Variants in SYNE3 observed in about 807,000 individuals in gnomAD.
The protein encoded by SYNE3 is nesprin-3.
A neutral mutation model predicts 111.2 loss-of-function variants in SYNE3; 100 were observed. The ratio of observed to expected loss-of-function variants is 0.90; its 90% CI spans 0.77 to 1.06. SYNE3 has a LOEUF of 1.06. SYNE3 is among the 50% of genes least tolerant of loss of function. The pLI, the probability that SYNE3 is intolerant of heterozygous loss-of-function variation, is 0.00. For missense variants in SYNE3, 1,160 were observed against 1,240.3 expected, an observed-to-expected ratio of 0.94 and a Z score of 0.97; for synonymous variants, 547 against 533.9, an observed-to-expected ratio of 1.02 and a Z score of -0.34.
intron 1 of SYNE3, among the ~76,000 whole-genome samples, chr14:95,483,397 G>C (rs1385507360): frequency 4.6e-5 from 7 of 152,066 alleles, no homozygotes; most frequent in African/African-American, 1.7e-4. Flanking sequence ...ACTCATTCCT[G>C]CCCTGCCACA....
rs1595212408 is a variant in SYNE3 at position 95,456,098 on chromosome 14, T to C, written c.790-374A>G. 2 of 345,154 alleles carry C rather than the reference T, an allele frequency of 5.8e-6. 1 individual carries two copies. The highest frequency in any genetic ancestry group is 1.0e-5 in the Non-Finnish European group (2 of 192,950). 21.4% of individuals were successfully genotyped at this position (345,154 alleles called of 1,614,324 possible). On this transcript the variant is annotated intron_variant, in intron 5 of 17. Coordinates refer to ENST00000682763, the MANE Select transcript of SYNE3 (RefSeq NM_152592.6). ...CGTTCGGTTTCATTGTATTTATTTGTGTGGTTATCTACCTATTTGGAATTG... is the reference window on the plus strand; with the variant it reads ...CGTTCGGTTTCATTGTATTTATTTGCGTGGTTATCTACCTATTTGGAATTG...
At chr14:95,421,350 T>G (rs561310845) in intron 17 of SYNE3, among the ~76,000 whole-genome samples, 42 of 152,138 alleles carry the variant, frequency 2.8e-4, no homozygotes, top group Admixed American at 1.2e-3. Flanking sequence ...AATCTGAGAC[T>G]CCAGATTTCT....
intron 8 of SYNE3, chr14:95,449,475 G>A (rs959893609): frequency 2.0e-6 from 2 of 985,338 alleles, no homozygotes; most frequent in African/African-American, 3.5e-5. Flanking sequence ...GCCATGCTGG[G>A]GCCATGAGGC....
intron 1 of SYNE3, among the ~76,000 whole-genome samples, chr14:95,513,827 C>CCTG (rs10645323): frequency 0.23 from 33,918 of 145,504 alleles, 4,163 homozygotes; most frequent in African/African-American, 0.28. Flanking sequence ...AGACAAGCAT[C>CCTG]CTGTCCGGTC....
chr14:95,496,086 G>T lies in SYNE3; in HGVS notation c.-14-20251C>A, dbSNP rs576049407. On this transcript the variant is annotated intron_variant, in intron 1 of 17. Coordinates refer to ENST00000682763, the MANE Select transcript of SYNE3 (RefSeq NM_152592.6). ...CCATGCCCTAAAAGGACCCTAAGTG[G>T]ATGGGCAGAGAGTCAGGTTGTGGTC... 1.2e-4 allele frequency among the ~76,000 whole-genome samples: 18 copies of T among 152,372 alleles called. No individual in the cohort carries two copies. In the South Asian group the frequency reaches 3.7e-3, roughly 32 times the overall value.
intron 8 of SYNE3, among the ~76,000 whole-genome samples, chr14:95,448,642 C>T (rs1304125696): frequency 6.6e-6 from 1 of 152,142 alleles, no homozygotes; most frequent in Non-Finnish European, 1.5e-5. Context: ...GAGCTGAGAT[C>T]GCGCCACTGC....
chr14:95,455,779 C>G (rs766697129), intron 5 of SYNE3, 55 bp from the exon 6 acceptor site: 143 of 1,561,760 alleles, frequency 9.2e-5, no homozygotes, highest in Non-Finnish European at 8.1e-5. Context: ...AATACAGTTG[C>G]TGCATTTTCC....
chr14:95,516,534 G>GCCCGGCCCCCGGCCCCCGGCC (rs527810309), intron 1 of SYNE3, among the ~76,000 whole-genome samples, 62 bp downstream of exon 1: 8 of 131,802 alleles, frequency 6.1e-5, no homozygotes, highest in Admixed American at 1.4e-4. Flanking sequence ...GACCCCACCC[G>GCCCGGCCCCCGGCCCCCGGCC]CCCGGCCCCC....
rs374185598 is a variant in SYNE3 at position 95,432,048 on chromosome 14, A to G, written c.2727+31T>C. 5.0e-6 allele frequency: 8 copies of G among 1,606,604 alleles called. No homozygotes were observed. The African/African-American group carries it at 6.7e-5, about 13-fold the overall frequency. On this transcript the variant is annotated intron_variant, in intron 17 of 17. Transcript: ENST00000682763. ...CAACCCTCCAGGCACCCTGCCTGCT[A>G]GCCGTGTGGAGCAGATGGCAGACAC...
chr14:95,427,588 CCTCT>C (rs1305035413), intron 17 of SYNE3, among the ~76,000 whole-genome samples: 1 of 150,492 alleles, frequency 6.6e-6, no homozygotes. Flanking sequence ...CCTCTCTCTC[CCTCT>C]CTCTCTCTGC....
intron 1 of SYNE3, among the ~76,000 whole-genome samples, chr14:95,481,644 G>A (rs975229628): frequency 2.0e-5 from 3 of 152,216 alleles, no homozygotes; most frequent in South Asian, 4.1e-4. Context: ...GGGGAGCCGG[G>A]ACAATGCAGC....
chr14:95,478,043 C>T (rs948290663), intron 1 of SYNE3, among the ~76,000 whole-genome samples: 2 of 152,142 alleles, frequency 1.3e-5, no homozygotes, highest in African/African-American at 4.8e-5. Context: ...TGGCAATGCC[C>T]GTGACCTGTG....
At chr14:95,476,530 C>A (rs1174218092) in intron 1 of SYNE3, among the ~76,000 whole-genome samples, 1 of 152,276 alleles carries the variant, frequency 6.6e-6, no homozygotes, top group East Asian at 1.9e-4. Flanking sequence ...AGGTCACCCA[C>A]CAGAGACCCC....
chr14:95,472,293 A>C (rs1259795188), intron 2 of SYNE3, among the ~76,000 whole-genome samples: 2 of 152,236 alleles, frequency 1.3e-5, no homozygotes, highest in East Asian at 3.8e-4. Flanking sequence ...TGCCTGGCTC[A>C]GGCCAGGACC....
chr14:95,492,670 G>A (rs1191858922), intron 1 of SYNE3, among the ~76,000 whole-genome samples: 1 of 152,142 alleles, frequency 6.6e-6, no homozygotes, highest in Admixed American at 6.6e-5. Flanking sequence ...GAGGTAGTAA[G>A]AATATTCTAA....
chr14:95,425,855 T>A (rs1885400618), intron 17 of SYNE3, among the ~76,000 whole-genome samples: 1 of 152,242 alleles, frequency 6.6e-6, no homozygotes, highest in African/African-American at 2.4e-5. Flanking sequence ...TTTATCAACA[T>A]TGAGTGTTAT....
At chr14:95,482,300 A>G (rs1276042674) in intron 1 of SYNE3, among the ~76,000 whole-genome samples, 1 of 152,142 alleles carries the variant, frequency 6.6e-6, no homozygotes, top group Non-Finnish European at 1.5e-5. Context: ...CAGGCGTGAT[A>G]GCGTGCGCCT....
chr14:95,429,846 G>A (rs1348567333), intron 17 of SYNE3: 4 of 792,456 alleles, frequency 5.0e-6, no homozygotes, highest in African/African-American at 1.9e-5. Context: ...CTGTGCTACT[G>A]AGCAACATCA....
chr14:95,432,201 G>A, intron 16 of SYNE3, 84 bp from the exon 17 acceptor site: 1 of 1,482,548 alleles, frequency 6.7e-7, no homozygotes, highest in Non-Finnish European at 9.2e-7. Flanking sequence ...AGCCTGTAAT[G>A]GAATATTCGT....
Sources: gnomAD v4.1 joint callset for allele counts (sites outside exome capture counted in the v4.1 genomes callset) on GRCh38, gnomAD v4.1.1 for gene constraint, MANE v1.5 for transcripts, NCBI Gene and HGNC (gene_info 2026-07-23, HGNC 2026-07-21) for gene names.